The following GRIK3 variants were observed in gnomAD, a reference collection of about 807,000 sequenced individuals.
GRIK3 encodes the protein glutamate ionotropic receptor kainate type subunit 3.
GRIK3 carries 29 observed loss-of-function variants against 102.5 expected under a neutral mutation model. That is an observed-to-expected ratio of 0.28 (90% CI 0.21 to 0.39). GRIK3 has a LOEUF of 0.39. GRIK3 is among the 10% of genes least tolerant of loss of function. The pLI is 1.00. For synonymous variants in GRIK3, 511 were observed against 504.9 expected (o/e 1.01, Z -0.16); for missense variants, 908 against 1,252.4 (o/e 0.73, Z 4.15).
rs376797780 is a variant in GRIK3 at position 36,824,002 on chromosome 1, C to A, written c.1754+1601G>T. Among the ~76,000 whole-genome samples, 72 of 152,180 alleles carry A rather than the reference C, an allele frequency of 4.7e-4. 1 individual carries two copies. In the South Asian group the frequency reaches 0.014, roughly 30 times the overall value. On this transcript the variant is annotated intron_variant, in intron 11 of 15. Coordinates refer to ENST00000373091, the MANE Select transcript of GRIK3 (RefSeq NM_000831.4). ...GGTGTGAGGGTGTTGGGCGAGGTGA[C>A]AAGTGCACTCTGATGCTCTTCCTAG...
chr1:36,982,842 G>A (rs978365875), intron 1 of GRIK3, among the ~76,000 whole-genome samples: 5 of 151,996 alleles, frequency 3.3e-5, no homozygotes, highest in South Asian at 2.1e-4. Flanking sequence ...GAGGGGGAGC[G>A]CCTGCCAGGC....
At chr1:36,922,956 G>A (rs1366495259) in intron 1 of GRIK3, among the ~76,000 whole-genome samples, 3 of 152,186 alleles carry the variant, frequency 2.0e-5, no homozygotes, top group African/African-American at 7.2e-5. Context: ...CAGGGTTGCA[G>A]CCTGGGAGCC....
At chr1:36,809,310 A>T (rs750548376) in intron 13 of GRIK3, among the ~76,000 whole-genome samples, 1 of 152,114 alleles carries the variant, frequency 6.6e-6, no homozygotes, top group Non-Finnish European at 1.5e-5. Flanking sequence ...TAATCTGACT[A>T]TCCACCTATC....
At chr1:36,804,242 C>G (rs1029395916) in intron 15 of GRIK3, among the ~76,000 whole-genome samples, 1 of 152,210 alleles carries the variant, frequency 6.6e-6, no homozygotes, top group Non-Finnish European at 1.5e-5. Flanking sequence ...CCTTGAACTT[C>G]TCTGTGAGTT....
At chr1:36,808,887 A>G (rs1372555986) in intron 13 of GRIK3, among the ~76,000 whole-genome samples, 1 of 152,076 alleles carries the variant, frequency 6.6e-6, no homozygotes, top group Non-Finnish European at 1.5e-5. Context: ...ATCAATTCCA[A>G]CTATTCTTCT....
At chr1:36,823,808 T>G (rs1358048786) in intron 11 of GRIK3, among the ~76,000 whole-genome samples, 1 of 152,014 alleles carries the variant, frequency 6.6e-6, no homozygotes, top group Non-Finnish European at 1.5e-5. Flanking sequence ...GCCCAACTGG[T>G]CTGGGTTTGA....
intron 10 of GRIK3, among the ~76,000 whole-genome samples, chr1:36,838,068 G>A (rs1467034358): frequency 1.3e-5 from 2 of 152,192 alleles, no homozygotes; most frequent in East Asian, 1.9e-4. Context: ...CTTTAGACAG[G>A]GAGGCTGTCC....
At chr1:36,893,677 G>A (rs1298923814) in intron 1 of GRIK3, among the ~76,000 whole-genome samples, 4 of 152,176 alleles carry the variant, frequency 2.6e-5, no homozygotes, top group African/African-American at 4.8e-5. Flanking sequence ...CCTGTGACTC[G>A]GGAATTTGAT....
intron 10 of GRIK3, among the ~76,000 whole-genome samples, chr1:36,827,890 A>T (rs1642771517): frequency 6.6e-6 from 1 of 152,088 alleles, no homozygotes; most frequent in Admixed American, 6.5e-5. Flanking sequence ...CAAGGATTTG[A>T]TGACCTTCAG....
intron 1 of GRIK3, among the ~76,000 whole-genome samples, chr1:36,898,507 C>G (rs1641198346): frequency 6.6e-6 from 1 of 152,028 alleles, no homozygotes. Context: ...AAAAGCTCTT[C>G]AAAACATTGT....
intron 10 of GRIK3, among the ~76,000 whole-genome samples, chr1:36,833,505 C>A (rs183960619): frequency 6.6e-6 from 1 of 152,182 alleles, no homozygotes; most frequent in Non-Finnish European, 1.5e-5. Flanking sequence ...GAGCCCATCT[C>A]TTTCCCCTGC....
At chr1:36,856,457 G>C (rs1277984102) in intron 7 of GRIK3, among the ~76,000 whole-genome samples, 1 of 152,140 alleles carries the variant, frequency 6.6e-6, no homozygotes, top group East Asian at 1.9e-4. Flanking sequence ...ACTCCGGCCT[G>C]GTATTTTCCA....
intron 7 of GRIK3, among the ~76,000 whole-genome samples, chr1:36,857,607 A>C (rs939338029): frequency 1.3e-5 from 2 of 152,230 alleles, no homozygotes; most frequent in Admixed American, 6.5e-5. Context: ...GTCTGAAGCC[A>C]CACAGCTGGG....
intron 1 of GRIK3, among the ~76,000 whole-genome samples, chr1:36,999,915 T>G (rs976144977): frequency 5.3e-5 from 8 of 152,262 alleles, no homozygotes; most frequent in African/African-American, 1.9e-4. Context: ...GAGAATCGCT[T>G]GAACCTGGGA....
chr1:36,939,594 A>G (rs1052061235), intron 1 of GRIK3, among the ~76,000 whole-genome samples: 2 of 152,264 alleles, frequency 1.3e-5, no homozygotes, highest in African/African-American at 4.8e-5. Flanking sequence ...AGAAATGTGT[A>G]TTACAAGGAT....
chr1:36,871,515 G>A (rs1640843458), intron 4 of GRIK3, among the ~76,000 whole-genome samples: 1 of 152,222 alleles, frequency 6.6e-6, no homozygotes, highest in South Asian at 2.1e-4. Context: ...ATCAGTTTTT[G>A]GTTTCCGCTG....
chr1:36,926,423 C>G (rs1641528569), intron 1 of GRIK3, among the ~76,000 whole-genome samples: 2 of 151,688 alleles, frequency 1.3e-5, no homozygotes, highest in Admixed American at 6.6e-5. Flanking sequence ...TGGAGTCTCA[C>G]CCTGTCACCC....
At chr1:36,936,232 C>A (rs954793663) in intron 1 of GRIK3, among the ~76,000 whole-genome samples, 1 of 152,178 alleles carries the variant, frequency 6.6e-6, no homozygotes, top group Admixed American at 6.5e-5. Context: ...AAGCTAGAAT[C>A]ATCCCCCCAT....
chr1:36,873,231 C>A (rs1027569130), intron 3 of GRIK3, among the ~76,000 whole-genome samples: 4 of 152,148 alleles, frequency 2.6e-5, no homozygotes, highest in Non-Finnish European at 5.9e-5. Context: ...CAAAAGTTTC[C>A]ATAATTGGAC....
Sources: gnomAD v4.1 joint callset for allele counts (sites outside exome capture counted in the v4.1 genomes callset) on GRCh38, gnomAD v4.1.1 for gene constraint, MANE v1.5 for transcripts, NCBI Gene and HGNC (gene_info 2026-07-23, HGNC 2026-07-21) for gene names.